The following MTIF3 variants were observed in gnomAD, a reference collection of about 807,000 sequenced individuals.
The protein encoded by MTIF3 is mitochondrial translational initiation factor 3.
In MTIF3, 13 loss-of-function variants were observed where a neutral mutation model predicts 20.7. The observed-to-expected ratio is 0.63, with a 90% CI of 0.41 to 1.00. The LOEUF (loss-of-function observed/expected upper bound fraction) is 1.00. Ranked by LOEUF, MTIF3 falls within the 50% of genes least tolerant of loss-of-function variation. MTIF3 has a pLI of 0.00. For synonymous variants in MTIF3, 114 were observed against 112.5 expected (o/e 1.01, Z -0.08); for missense variants, 295 against 324.5 (o/e 0.91, Z 0.70).
rs1399245794 is a variant in MTIF3 at position 27,435,901 on chromosome 13, A to C, written c.619-8T>G. 1 of 1,597,042 alleles carries C rather than the reference A, an allele frequency of 6.3e-7. No individual in the cohort carries two copies. The highest frequency in any genetic ancestry group is 2.2e-5 in the East Asian group (1 of 44,756). ...TTGATGAAATATCTCCTCCTAAAAA[A>C]GGGAAACAGCCAAAGATTAATTTAA... On this transcript the variant is annotated splice_polypyrimidine_tract_variant and splice_region_variant and intron_variant, in intron 4 of 4. Coordinates refer to ENST00000381120, the MANE Select transcript of MTIF3 (RefSeq NM_152912.5).
At chr13:27,440,984 A>C (rs905404263) in intron 2 of MTIF3, 2 of 160,444 alleles carry the variant, frequency 1.2e-5, no homozygotes, top group African/African-American at 2.4e-5. Context: ...AAATGTCATT[A>C]AGAAAATCAT....
chr13:27,447,446 G>C (rs529994994), intron 1 of MTIF3, among the ~76,000 whole-genome samples: 7 of 152,196 alleles, frequency 4.6e-5, no homozygotes, highest in Non-Finnish European at 8.8e-5. Context: ...TAATCCTGTT[G>C]CATTTGCTGC....
intron 3 of MTIF3, among the ~76,000 whole-genome samples, chr13:27,439,652 A>G (rs1197262914): frequency 6.6e-6 from 1 of 152,174 alleles, no homozygotes; most frequent in African/African-American, 2.4e-5. Flanking sequence ...GTTTCACCCC[A>G]TCGGCTACTC....
At chr13:27,442,367 A>G (rs557115060) in intron 2 of MTIF3, among the ~76,000 whole-genome samples, 1 of 152,286 alleles carries the variant, frequency 6.6e-6, no homozygotes, top group South Asian at 2.1e-4. Flanking sequence ...ACTGCATCAC[A>G]GTAAAACCGC....
At chr13:27,444,404 G>A (rs981860077) in intron 2 of MTIF3, among the ~76,000 whole-genome samples, 20 of 151,988 alleles carry the variant, frequency 1.3e-4, no homozygotes, top group African/African-American at 4.8e-4. Flanking sequence ...TTTTATTGAT[G>A]TATACAGCAA....
intron 4 of MTIF3, among the ~76,000 whole-genome samples, chr13:27,436,115 C>T (rs999639530): frequency 6.6e-6 from 1 of 152,152 alleles, no homozygotes; most frequent in African/African-American, 2.4e-5. Flanking sequence ...TTTAAATCTC[C>T]ACTTCGTCAT....
upstream of MTIF3, chr13:27,450,564 CG>C (rs1954338574): frequency 7.2e-6 from 1 of 139,460 alleles, no homozygotes; most frequent in Non-Finnish European, 1.5e-5. Context: ...AGCGGATCTG[CG>C]GCGAGTCCCC....
intron 1 of MTIF3, among the ~76,000 whole-genome samples, chr13:27,448,815 G>C (rs988784390): frequency 2.6e-5 from 4 of 152,126 alleles, no homozygotes; most frequent in Non-Finnish European, 4.4e-5. Flanking sequence ...GAGGAAGGCA[G>C]ATCACTTGAG....
intron 2 of MTIF3, among the ~76,000 whole-genome samples, chr13:27,444,528 T>C (rs1954112096): frequency 6.6e-6 from 1 of 152,142 alleles, no homozygotes; most frequent in Non-Finnish European, 1.5e-5. Flanking sequence ...AAAATATAAA[T>C]ACAAAGTTAA....
chr13:27,437,669 A>G (rs1953835838), intron 3 of MTIF3, among the ~76,000 whole-genome samples: 1 of 152,130 alleles, frequency 6.6e-6, no homozygotes, highest in African/African-American at 2.4e-5. Flanking sequence ...GGTCAGCCAG[A>G]CTGTTGGACA....
At chr13:27,437,410 A>G in intron 3 of MTIF3, 137 bp from the exon 4 acceptor site, 1 of 735,364 alleles carries the variant, frequency 1.4e-6, no homozygotes, top group African/African-American at 1.8e-5. Context: ...ACAGACCAGT[A>G]AATGTCTTTT....
At chr13:27,449,778 G>A (rs1298651546) in intron 1 of MTIF3, 2 of 152,232 alleles carry the variant, frequency 1.3e-5, no homozygotes, top group African/African-American at 4.8e-5. Flanking sequence ...CTGACAGAAT[G>A]AATAGTAGTC....
At chr13:27,437,389 C>G (rs1953822195) in intron 3 of MTIF3, 116 bp from the exon 4 acceptor site, 4 of 902,628 alleles carry the variant, frequency 4.4e-6, no homozygotes, top group Non-Finnish European at 6.6e-6. Flanking sequence ...TCTCATCTGG[C>G]TTTCAGTTTC....
chr13:27,449,610 C>T (rs907298590), intron 1 of MTIF3, among the ~76,000 whole-genome samples: 1 of 152,204 alleles, frequency 6.6e-6, no homozygotes, highest in East Asian at 1.9e-4. Flanking sequence ...ATTTACTGAG[C>T]TTAACACTGA....
chr13:27,442,862 A>C (rs1419624289), intron 2 of MTIF3, among the ~76,000 whole-genome samples: 1 of 152,122 alleles, frequency 6.6e-6, no homozygotes, highest in African/African-American at 2.4e-5. Context: ...TTCTATATTT[A>C]TTTGCATATA....
Position 27,437,270 on chromosome 13 carries a change from G to A in MTIF3, c.464C>T (p.Pro155Leu), listed in dbSNP as rs1953814376. Residue 155 changes from proline (P) to leucine (L), a missense_variant, in exon 4 of 5, where the codon CCA (proline) becomes CTA (leucine). By Grantham distance (98) the Pro-to-Leu change is moderately conservative. Coordinates refer to ENST00000381120, the MANE Select transcript of MTIF3 (RefSeq NM_152912.5). ...EMEKANPKTGPTLRKELILSS... is the reference protein window; with the variant it reads ...EMEKANPKTGLTLRKELILSS... ...CAAAATCAGTTCCTTTCTCAGGGTT[G>A]GTCCTGGTTTGAAACAGATAGGGTG... 6.2e-7 allele frequency: 1 copy of A among 1,613,070 alleles called. No homozygotes were observed. The highest frequency in any genetic ancestry group is 1.3e-5 in the African/African-American group (1 of 74,978).
rs1268025237 is a variant in MTIF3 at position 27,437,100 on chromosome 13, T to C, written c.618+16A>G. ...GACCCAAAGCACAAGCAGTGGCTTGTACCTTCTTTACTTACCATTTCATTT... is the reference window on the plus strand; with the variant it reads ...GACCCAAAGCACAAGCAGTGGCTTGCACCTTCTTTACTTACCATTTCATTT... On this transcript the variant is annotated intron_variant, in intron 4 of 4. Coordinates refer to ENST00000381120, the MANE Select transcript of MTIF3 (RefSeq NM_152912.5). The C allele has an allele frequency of 6.2e-7, 1 of 1,612,176 alleles. No homozygotes were observed. The highest frequency in any genetic ancestry group is 1.1e-5 in the South Asian group (1 of 90,882).
chr13:27,448,053 T>C (rs1384974348), intron 1 of MTIF3, among the ~76,000 whole-genome samples: 3 of 151,062 alleles, frequency 2.0e-5, no homozygotes, highest in Admixed American at 6.7e-5. Context: ...TAATTCATTA[T>C]TTTGCATTCT....
At chr13:27,437,068 A>G (rs1395465806) in intron 4 of MTIF3, 48 bp downstream of exon 4, 2 of 1,585,198 alleles carry the variant, frequency 1.3e-6, no homozygotes, top group African/African-American at 2.7e-5. Context: ...GTATTTTTAG[A>G]TCAGAAGACC....
Sources: allele counts gnomAD v4.1 joint callset (sites outside exome capture counted in the v4.1 genomes callset), GRCh38; gene constraint gnomAD v4.1.1; transcripts MANE v1.5; gene names NCBI Gene and HGNC (gene_info 2026-07-23, HGNC 2026-07-21).